The following LRCH1 variants were observed in gnomAD, a reference collection of about 807,000 sequenced individuals.
The protein encoded by LRCH1 is leucine rich repeats and calponin homology domain containing 1.
Under a neutral mutation model 94.9 loss-of-function variants are expected in LRCH1, and 23 were observed. That is an observed-to-expected ratio of 0.24 (90% CI 0.17 to 0.34). The LOEUF is 0.34. LRCH1 is among the 10% of genes least tolerant of loss of function. LRCH1 has a pLI of 1.00. For missense variants in LRCH1, 790 were observed against 945.9 expected (o/e 0.84, Z 2.16); for synonymous variants, 364 against 354.9 (o/e 1.03, Z -0.29).
In LRCH1 at chr13:46,714,869, T is replaced by C. The variant is rs185316892; in HGVS notation, c.1655-691T>C. On this transcript the variant is annotated intron_variant, in intron 15 of 19. Coordinates refer to ENST00000389797, the MANE Select transcript of LRCH1 (RefSeq NM_001164211.2). ...TTGATTAATTGGATTTGTTGTTAAA[T>C]AGACTGTACTAGTCTCCAACATTTT... 2.0e-5 allele frequency among the ~76,000 whole-genome samples: 3 copies of C among 152,334 alleles called. No individual in the cohort carries two copies. The East Asian group carries it at 5.8e-4, about 29-fold the overall frequency.
chr13:46,684,880 C>T (rs1018050695), intron 4 of LRCH1, among the ~76,000 whole-genome samples: 2 of 152,296 alleles, frequency 1.3e-5, no homozygotes, highest in Admixed American at 6.5e-5. Flanking sequence ...AGAATCTTTT[C>T]CTGCTGGAAT....
At chr13:46,627,818 G>A (rs2050969025) in intron 1 of LRCH1, among the ~76,000 whole-genome samples, 1 of 152,128 alleles carries the variant, frequency 6.6e-6, no homozygotes, top group Admixed American at 6.5e-5. Context: ...TATACTTTTT[G>A]GATCCGTGTA....
intron 3 of LRCH1, among the ~76,000 whole-genome samples, chr13:46,681,228 T>C (rs1182142881): frequency 6.6e-6 from 1 of 152,222 alleles, no homozygotes; most frequent in Non-Finnish European, 1.5e-5. Context: ...TGCATTAATA[T>C]TCTAGTTCTT....
chr13:46,710,689 G>T (rs1242478721), intron 13 of LRCH1, among the ~76,000 whole-genome samples: 1 of 152,192 alleles, frequency 6.6e-6, no homozygotes, highest in Non-Finnish European at 1.5e-5. Flanking sequence ...TCTTGGATTT[G>T]TGTCAAAGGT....
downstream of LRCH1, among the ~76,000 whole-genome samples, chr13:46,749,685 A>G (rs1283576878): frequency 6.6e-6 from 1 of 152,242 alleles, no homozygotes; most frequent in East Asian, 1.9e-4. Context: ...CATCAAGTAG[A>G]TAAAAGAATA....
At chr13:46,717,824 T>C (rs1488384972) in intron 16 of LRCH1, 1 of 152,198 alleles carries the variant, frequency 6.6e-6, no homozygotes, top group Non-Finnish European at 1.5e-5. Context: ...AATATCTTAT[T>C]CCCATTCTAT....
chr13:46,745,962 T>A (rs968568214), downstream of LRCH1, among the ~76,000 whole-genome samples: 1 of 152,200 alleles, frequency 6.6e-6, no homozygotes, highest in Non-Finnish European at 1.5e-5. Context: ...GAGGGTTCGC[T>A]GGTCCCATCT....
chr13:46,615,653 T>G lies in LRCH1; in HGVS notation c.308-34548T>G, dbSNP rs74416199. Among the ~76,000 whole-genome samples the G allele has an allele frequency of 8.8e-3, 1,333 of 152,328 alleles. 21 individuals carry two copies. Among genetic ancestry groups the G allele is most frequent in the African/African-American group, 0.03 (1,255 of 41,578 alleles). ...TGATGGATCTGCATTGGGACCTGCT[T>G]TTGTCTTATTGTTTCCCAAGACTAA... is the stretch of plus-strand genomic sequence containing the variant. On this transcript the variant is annotated intron_variant, in intron 1 of 19. Transcript: ENST00000389797.
At chr13:46,589,044 A>C (rs75455104) in intron 1 of LRCH1, among the ~76,000 whole-genome samples, 5,663 of 151,294 alleles carry the variant, frequency 0.037, 255 homozygotes, top group African/African-American at 0.11. Context: ...CTCTCTCTCT[A>C]TATATTTTTT....
intron 1 of LRCH1, among the ~76,000 whole-genome samples, chr13:46,607,757 C>G (rs1376064245): frequency 6.6e-6 from 1 of 151,810 alleles, no homozygotes; most frequent in Admixed American, 6.6e-5. Flanking sequence ...AGGAAGATGA[C>G]TGTCATTTAT....
At chr13:46,610,662 T>C (rs1330686391) in intron 1 of LRCH1, among the ~76,000 whole-genome samples, 1 of 152,180 alleles carries the variant, frequency 6.6e-6, no homozygotes, top group Non-Finnish European at 1.5e-5. Flanking sequence ...TTCATTCCTT[T>C]ATATAGCTGA....
chr13:46,654,416 C>T (rs145118902), intron 2 of LRCH1, among the ~76,000 whole-genome samples: 208 of 152,238 alleles, frequency 1.4e-3, no homozygotes, highest in African/African-American at 4.8e-3. Flanking sequence ...GGTGAAGGGT[C>T]GTAGTGGACT....
chr13:46,612,344 G>A (rs1033371353), intron 1 of LRCH1, among the ~76,000 whole-genome samples: 1 of 152,152 alleles, frequency 6.6e-6, no homozygotes, highest in Non-Finnish European at 1.5e-5. Flanking sequence ...TGTATACACG[G>A]TTATGAAGGT....
At chr13:46,559,964 G>A (rs1414271579) in intron 1 of LRCH1, among the ~76,000 whole-genome samples, 1 of 152,052 alleles carries the variant, frequency 6.6e-6, no homozygotes, top group Non-Finnish European at 1.5e-5. Flanking sequence ...CATTTAAAGG[G>A]TAGATACCTT....
chr13:46,648,480 T>C (rs1372805068), intron 1 of LRCH1, among the ~76,000 whole-genome samples: 1 of 152,232 alleles, frequency 6.6e-6, no homozygotes, highest in Non-Finnish European at 1.5e-5. Flanking sequence ...CTCTATGATG[T>C]GTTTTTAATA....
At chr13:46,750,351 T>A (rs1446776798) in intron 18 of LRCH1, among the ~76,000 whole-genome samples, 1 of 152,156 alleles carries the variant, frequency 6.6e-6, no homozygotes, top group South Asian at 2.1e-4. Context: ...TGAAAAATCA[T>A]TATTTTCTCT....
At chr13:46,708,886 A>T (rs1871913160) in intron 13 of LRCH1, among the ~76,000 whole-genome samples, 1 of 152,050 alleles carries the variant, frequency 6.6e-6, no homozygotes, top group East Asian at 1.9e-4. Flanking sequence ...TAGCATTCTC[A>T]CTTGAAGTGG....
At chr13:46,635,366 A>G (rs1425182594) in intron 1 of LRCH1, among the ~76,000 whole-genome samples, 1 of 151,514 alleles carries the variant, frequency 6.6e-6, no homozygotes, top group African/African-American at 2.4e-5. Flanking sequence ...ACATCTTCTC[A>G]GTTGTCTGCA....
At chr13:46,645,286 A>G (rs1160388209) in intron 1 of LRCH1, among the ~76,000 whole-genome samples, 1 of 152,214 alleles carries the variant, frequency 6.6e-6, no homozygotes, top group African/African-American at 2.4e-5. Context: ...TATTTGTCTT[A>G]CCATTACATT....
Sources: allele counts gnomAD v4.1 joint callset (sites outside exome capture counted in the v4.1 genomes callset), GRCh38; gene constraint gnomAD v4.1.1; transcripts MANE v1.5; gene names NCBI Gene and HGNC (gene_info 2026-07-23, HGNC 2026-07-21).